The following EPB41L5 variants were observed in gnomAD, a reference collection of about 807,000 sequenced individuals.
EPB41L5 encodes erythrocyte membrane protein band 4.1 like 5.
EPB41L5 carries 55 observed loss-of-function variants against 106.6 expected under a neutral mutation model. The observed-to-expected ratio is 0.52, with a 90% confidence interval of 0.42 to 0.65. The LOEUF (loss-of-function observed/expected upper bound fraction) is 0.65. Ranked by LOEUF, EPB41L5 falls within the 30% of genes least tolerant of loss-of-function variation. The pLI, the probability that EPB41L5 is intolerant of heterozygous loss-of-function variation, is 0.00. For missense variants in EPB41L5, 871 were observed against 882.1 expected (o/e 0.99, Z 0.16); for synonymous variants, 297 against 306.7 (o/e 0.97, Z 0.33).
At chr2:120,018,158 G>A (rs371727626) in intron 1 of EPB41L5, among the ~76,000 whole-genome samples, 1 of 151,506 alleles carries the variant, frequency 6.6e-6, no homozygotes, top group Non-Finnish European at 1.5e-5. Context: ...TAGTAGAGAC[G>A]GGGTTTCACC....
intron 21 of EPB41L5, among the ~76,000 whole-genome samples, chr2:120,162,957 G>T (rs947799131): frequency 6.6e-6 from 1 of 152,190 alleles, no homozygotes; most frequent in African/African-American, 2.4e-5. Context: ...AGCAGAAATG[G>T]AAATGTGTAA....
At chr2:120,132,405 A>G (rs1245734663) in intron 18 of EPB41L5, among the ~76,000 whole-genome samples, 1 of 152,032 alleles carries the variant, frequency 6.6e-6, no homozygotes, top group African/African-American at 2.4e-5. Context: ...ACCAAGATGA[A>G]TTTTGTTTTT....
intron 17 of EPB41L5, among the ~76,000 whole-genome samples, chr2:120,130,011 T>C (rs1488468440): frequency 6.6e-6 from 1 of 152,022 alleles, no homozygotes; most frequent in East Asian, 1.9e-4. Flanking sequence ...CCGGCCATGG[T>C]GGCAGGCACC....
rs1180671235 is a variant in EPB41L5 at position 120,090,380 on chromosome 2, C to G, written c.907C>G (p.Leu303Val). ...KEQEHTFVFR[L>V]DHPKACKHLW... ...ACAGGAACATACATTTGTCTTTAGA[C>G]TGGATCATCCAAAAGCATGCAAACA... The change falls in exon 12 of 25, where the codon CTG becomes GTG. Residue 303 changes from leucine (L) to valine (V), a missense_variant. Transcript: ENST00000263713. 6.2e-7 allele frequency: 1 copy of G among 1,611,282 alleles called. No homozygotes were observed. Among genetic ancestry groups the G allele is most frequent in the Non-Finnish European group, 8.5e-7 (1 of 1,179,236 alleles).
chr2:120,057,493 C>G (rs887399392), intron 3 of EPB41L5, among the ~76,000 whole-genome samples: 3 of 152,138 alleles, frequency 2.0e-5, no homozygotes, highest in Non-Finnish European at 4.4e-5. Flanking sequence ...TCCCCCAAGC[C>G]CAACTATGAA....
intron 4 of EPB41L5, 86 bp from the exon 5 acceptor site, chr2:120,074,014 C>G: frequency 1.0e-6 from 1 of 968,822 alleles, no homozygotes; most frequent in South Asian, 1.6e-5. Context: ...TGTCTCACTT[C>G]AGTAGATTTT....
chr2:120,142,959 A>G lies in EPB41L5; in HGVS notation c.1600-44A>G, dbSNP rs573028145. 3.4e-4 allele frequency: 522 copies of G among 1,542,412 alleles called. 22 individuals are homozygous for G. The South Asian group carries it at 5.7e-3, about 17-fold the overall frequency. On this transcript the variant is annotated intron_variant, in intron 18 of 24. Transcript: ENST00000263713. ...GTCTATTTCCTATTTCCATATAACT[A>G]TAGTGCATCAGAGTTGATTATAGTA...
chr2:120,032,242 C>T (rs538844615), intron 2 of EPB41L5, among the ~76,000 whole-genome samples: 4 of 151,980 alleles, frequency 2.6e-5, no homozygotes, highest in South Asian at 2.1e-4. Context: ...TTAGCTCAGC[C>T]TGGTGGGCGC....
At chr2:120,089,505 C>CAT (rs970608307) in intron 11 of EPB41L5, among the ~76,000 whole-genome samples, 3 of 152,052 alleles carry the variant, frequency 2.0e-5, no homozygotes, top group South Asian at 2.1e-4. Flanking sequence ...GTAGATCTAA[C>CAT]ATATATATAT....
chr2:120,013,615 C>G (rs906439315), intron 1 of EPB41L5: 1 of 152,162 alleles, frequency 6.6e-6, no homozygotes, highest in Non-Finnish European at 1.5e-5. Flanking sequence ...GTGTCACTGT[C>G]TTGGTGGACT....
rs61179407 is a variant in EPB41L5, at chr2:120,062,398, A to G, written c.286-10780A>G. On this transcript the variant is annotated intron_variant, in intron 3 of 24. Coordinates refer to ENST00000263713, the MANE Select transcript of EPB41L5 (RefSeq NM_020909.4). ...AAACTCCTGATCTTACTGCTGCCCA[A>G]TAATGATTGTTTATAATTTATGGCT... Among the ~76,000 whole-genome samples, 684 of 152,354 alleles carry G rather than the reference A, an allele frequency of 4.5e-3. 4 individuals carry two copies. Among genetic ancestry groups the G allele is most frequent in the African/African-American group, 0.015 (626 of 41,582 alleles).
At chr2:120,085,373 A>G (rs1388751651) in intron 10 of EPB41L5, among the ~76,000 whole-genome samples, 1 of 151,940 alleles carries the variant, frequency 6.6e-6, no homozygotes, top group Admixed American at 6.6e-5. Flanking sequence ...CTGGAGGTCC[A>G]CTCCAGACCC....
At chr2:120,090,265 T>C in intron 11 of EPB41L5, 82 bp from the exon 12 acceptor site, 1 of 1,152,866 alleles carries the variant, frequency 8.7e-7, no homozygotes. Context: ...CCTTTATTCA[T>C]GGATGTGTTT....
chr2:120,084,125 G>A (rs900729114), intron 10 of EPB41L5, among the ~76,000 whole-genome samples: 3 of 152,184 alleles, frequency 2.0e-5, no homozygotes, highest in African/African-American at 7.2e-5. Flanking sequence ...TGTCATATGT[G>A]AATTTGATCC....
At chr2:120,108,674 A>G (rs1174471639) in intron 16 of EPB41L5, among the ~76,000 whole-genome samples, 1 of 152,198 alleles carries the variant, frequency 6.6e-6, no homozygotes, top group African/African-American at 2.4e-5. Context: ...ATTTATACCC[A>G]TTAACAGAGA....
At chr2:120,031,045 T>A (rs1399082331) in intron 2 of EPB41L5, among the ~76,000 whole-genome samples, 1 of 151,962 alleles carries the variant, frequency 6.6e-6, no homozygotes, top group Non-Finnish European at 1.5e-5. Flanking sequence ...CCCAGCTAAT[T>A]TTTAGTAGAG....
chr2:120,153,421 G>A (rs570820979), intron 20 of EPB41L5, among the ~76,000 whole-genome samples: 1 of 152,188 alleles, frequency 6.6e-6, no homozygotes, highest in African/African-American at 2.4e-5. Context: ...AGTAGAGAAT[G>A]TTTTGTATGT....
At chr2:120,040,298 AAG>A (rs761757390) in intron 2 of EPB41L5, among the ~76,000 whole-genome samples, 6 of 152,322 alleles carry the variant, frequency 3.9e-5, no homozygotes, top group Non-Finnish European at 5.9e-5. Flanking sequence ...AGTGAAATTA[AAG>A]AGTCTAAAAG....
intron 2 of EPB41L5, among the ~76,000 whole-genome samples, chr2:120,021,337 CAAAA>C (rs57239546): frequency 2.0e-5 from 3 of 148,832 alleles, no homozygotes; most frequent in Non-Finnish European, 4.5e-5. Context: ...GACTCCGTCT[CAAAA>C]AAAAAGAAAA....
Sources: gnomAD v4.1 joint callset for allele counts (sites outside exome capture counted in the v4.1 genomes callset) on GRCh38, gnomAD v4.1.1 for gene constraint, MANE v1.5 for transcripts, NCBI Gene and HGNC (gene_info 2026-07-23, HGNC 2026-07-21) for gene names.